Variants in HHAT observed in about 807,000 individuals in gnomAD.
HHAT encodes protein-cysteine N-palmitoyltransferase HHAT.
HHAT carries 47 observed loss-of-function variants against 70.8 expected under a neutral mutation model. That is an observed-to-expected ratio of 0.66 (90% confidence interval 0.53 to 0.85). The LOEUF (loss-of-function observed/expected upper bound fraction) is 0.85. Ranked by LOEUF, HHAT falls within the 40% of genes least tolerant of loss-of-function variation. HHAT has a pLI of 0.00. For missense variants in HHAT, 609 were observed against 604.8 expected (o/e 1.01, Z -0.07); for synonymous variants, 228 against 247.6 (o/e 0.92, Z 0.74).
intron 9 of HHAT, among the ~76,000 whole-genome samples, chr1:210,556,951 G>A (rs115245650): frequency 0.011 from 1,747 of 152,284 alleles, 27 homozygotes; most frequent in African/African-American, 0.037. Context: ...GAAGGACAGC[G>A]TAGGATTGTG....
chr1:210,529,789 G>C (rs867708234), intron 9 of HHAT, among the ~76,000 whole-genome samples: 1 of 152,166 alleles, frequency 6.6e-6, no homozygotes, highest in Non-Finnish European at 1.5e-5. Flanking sequence ...TGCTGCCAGC[G>C]GTGTCACCAG....
At chr1:210,355,182 T>C (rs191534594) in intron 2 of HHAT, among the ~76,000 whole-genome samples, 23 of 152,342 alleles carry the variant, frequency 1.5e-4, no homozygotes, top group Admixed American at 1.5e-3. Flanking sequence ...CAGCAATTTA[T>C]TGAATTCTCT....
intron 3 of HHAT, among the ~76,000 whole-genome samples, chr1:210,368,136 T>C (rs1369904508): frequency 6.6e-6 from 1 of 152,098 alleles, no homozygotes; most frequent in Admixed American, 6.5e-5. Context: ...TGAACCAAAC[T>C]GATACAAATG....
intron 10 of HHAT, among the ~76,000 whole-genome samples, chr1:210,593,560 A>C (rs985059023): frequency 2.6e-5 from 4 of 152,172 alleles, no homozygotes; most frequent in African/African-American, 7.2e-5. Context: ...ATTTTTAAAA[A>C]TGTTTTAAGA....
chr1:210,596,051 T>C (rs1662922004), intron 10 of HHAT, among the ~76,000 whole-genome samples: 1 of 152,258 alleles, frequency 6.6e-6, no homozygotes, highest in Non-Finnish European at 1.5e-5. Flanking sequence ...CCCATGCCTA[T>C]GTCCTGAATG....
chr1:210,643,409 A>C (rs1307528417), intron 11 of HHAT, among the ~76,000 whole-genome samples: 1 of 152,262 alleles, frequency 6.6e-6, no homozygotes, highest in African/African-American at 2.4e-5. Flanking sequence ...TATTTAGGCA[A>C]CAAATATAAA....
chr1:210,503,817 T>C (rs2094804210), intron 8 of HHAT, among the ~76,000 whole-genome samples: 1 of 152,172 alleles, frequency 6.6e-6, no homozygotes, highest in Admixed American at 6.5e-5. Context: ...CATTTTTACA[T>C]GAAGAGATAA....
chr1:210,612,931 G>A (rs1666885859), intron 10 of HHAT, among the ~76,000 whole-genome samples: 1 of 152,050 alleles, frequency 6.6e-6, no homozygotes, highest in South Asian at 2.1e-4. Flanking sequence ...TTGGATAAAT[G>A]TCTATTCAAA....
At chr1:210,608,406 A>G (rs6540610) in intron 10 of HHAT, among the ~76,000 whole-genome samples, 109,897 of 152,032 alleles carry the variant, frequency 0.72, 41,261 homozygotes, top group East Asian at 0.94. Context: ...TTTTTTGGCT[A>G]TCTATTCTGT....
intron 8 of HHAT, among the ~76,000 whole-genome samples, chr1:210,494,094 T>G (rs2094593691): frequency 1.3e-5 from 2 of 152,212 alleles, no homozygotes; most frequent in South Asian, 2.1e-4. Context: ...CACTCTTGGC[T>G]TAAAGGCTAA....
chr1:210,649,494 C>A (rs1236860670), intron 11 of HHAT, among the ~76,000 whole-genome samples: 1 of 152,208 alleles, frequency 6.6e-6, no homozygotes, highest in Non-Finnish European at 1.5e-5. Context: ...CCTAACATCA[C>A]CATGACTAAC....
chr1:210,671,387 C>T (rs1283085374), intron 11 of HHAT, among the ~76,000 whole-genome samples: 1 of 152,194 alleles, frequency 6.6e-6, no homozygotes, highest in Non-Finnish European at 1.5e-5. Context: ...CTGAGGGCTT[C>T]CAGCAGGATG....
chr1:210,465,692 G>C (rs1378926236), intron 8 of HHAT, among the ~76,000 whole-genome samples: 1 of 152,144 alleles, frequency 6.6e-6, no homozygotes, highest in African/African-American at 2.4e-5. Flanking sequence ...AATAAATACT[G>C]CCATATCTAA....
chr1:210,447,799 C>G (rs1055279164), intron 7 of HHAT, among the ~76,000 whole-genome samples: 1 of 152,116 alleles, frequency 6.6e-6, no homozygotes, highest in Non-Finnish European at 1.5e-5. Flanking sequence ...AGAGAAGATA[C>G]GAGGCCCCAC....
chr1:210,466,290 C>T (rs918306959), intron 8 of HHAT, among the ~76,000 whole-genome samples: 6 of 152,226 alleles, frequency 3.9e-5, no homozygotes, highest in Non-Finnish European at 8.8e-5. Flanking sequence ...TGAGTAGTTA[C>T]TCTGATTTGT....
rs7522025 is a variant in HHAT, at chr1:210,675,677, T to A, written c.*1298T>A. On this transcript the variant is annotated 3_prime_UTR_variant, in exon 12 of 12. Coordinates refer to ENST00000261458, the MANE Select transcript of HHAT (RefSeq NM_018194.6). ...TGAGGTTATCATCTCAATGAGGCTT[T>A]AGCTCCTAGAGTACAGGACCATTTT... 131,455 of 152,212 alleles carry A rather than the reference T, an allele frequency of 0.86. 56,805 individuals carry two copies. The highest frequency in any genetic ancestry group is 0.9 in the Admixed American group (13,730 of 15,286). The allele number at this position is 152,212 out of a possible 1,614,324, so 9.4% of individuals were successfully genotyped here.
intron 9 of HHAT, among the ~76,000 whole-genome samples, chr1:210,585,183 C>T (rs1660166639): frequency 6.6e-6 from 1 of 150,718 alleles, no homozygotes; most frequent in Admixed American, 6.6e-5. Flanking sequence ...CTTTGTCTTT[C>T]TCCTTCCCAG....
At chr1:210,522,762 G>A (rs2148610739) in intron 9 of HHAT, among the ~76,000 whole-genome samples, 1 of 151,332 alleles carries the variant, frequency 6.6e-6, no homozygotes, top group African/African-American at 2.4e-5. Flanking sequence ...TTATCTCCTT[G>A]CCCCCCACCC....
intron 9 of HHAT, among the ~76,000 whole-genome samples, chr1:210,561,764 C>T (rs114424629): frequency 2.6e-3 from 396 of 152,298 alleles, no homozygotes; most frequent in African/African-American, 9.0e-3. Flanking sequence ...GTTGCCTCCA[C>T]GTACTTATCA....
Sources: allele counts gnomAD v4.1 joint callset (sites outside exome capture counted in the v4.1 genomes callset), GRCh38; gene constraint gnomAD v4.1.1; transcripts MANE v1.5; gene names NCBI Gene and HGNC (gene_info 2026-07-23, HGNC 2026-07-21).